The following NVL variants were observed in gnomAD, a reference collection of about 807,000 sequenced individuals.
The protein encoded by NVL is nuclear valosin-containing protein-like.
In NVL, 84 loss-of-function variants were observed where a neutral mutation model predicts 110.2. The observed-to-expected ratio is 0.76, with a 90% confidence interval of 0.64 to 0.91. NVL has a LOEUF of 0.91. NVL is among the 40% of genes least tolerant of loss of function. The pLI is 0.00. For synonymous variants in NVL, 354 were observed against 361.1 expected, an observed-to-expected ratio of 0.98 and a Z score of 0.22; for missense variants, 882 against 1,035.9, an observed-to-expected ratio of 0.85 and a Z score of 2.04.
chr1:224,287,884 G>A lies in NVL; in HGVS notation c.1685C>T (p.Ser562Leu). ...ELNDFIVALS[S>L]VQPSAKREGF... ...TTCCCTTTTGGCAGAGGGTTGGACT[G>A]AGGATAGAGCAACAATGAAATCATT... The change falls in exon 14 of 23, where the codon TCA (serine) becomes TTA (leucine). Residue 562 changes from serine to leucine, a missense_variant. This residue lies in a region of NVL where 416 missense variants were observed against 499.3 expected (regional missense o/e 0.83). Transcript: ENST00000281701. 6.2e-7 allele frequency: 1 copy of A among 1,614,086 alleles called. No homozygotes were observed. The highest frequency in any genetic ancestry group is 8.5e-7 in the Non-Finnish European group (1 of 1,179,960).
chr1:224,240,783 CT>C (rs59138570), intron 19 of NVL, among the ~76,000 whole-genome samples: 9,058 of 82,828 alleles, frequency 0.11, 124 homozygotes, highest in East Asian at 0.22. Flanking sequence ...ACAAACTGTC[CT>C]TTTTTTTTTT....
At chr1:224,326,567 C>A in intron 1 of NVL, 103 bp from the exon 2 acceptor site, 1 of 682,186 alleles carries the variant, frequency 1.5e-6, no homozygotes, top group Non-Finnish European at 2.5e-6. Context: ...TTAAGATAAA[C>A]TCTTCGTTAA....
chr1:224,242,351 C>T lies in NVL; in HGVS notation c.2290-5769G>A, dbSNP rs113159042. Among the ~76,000 whole-genome samples, 944 of 152,090 alleles carry T rather than the reference C, an allele frequency of 6.2e-3. 10 individuals are homozygous for T. Among genetic ancestry groups the T allele is most frequent in the Middle Eastern group, 0.017 (5 of 294 alleles). ...TACTAAAATCTGAAAAAAGTTATGG[C>T]TCATTTACACTGATATTTTCCTATA... On this transcript the variant is annotated intron_variant, in intron 19 of 22. Coordinates refer to ENST00000281701, the MANE Select transcript of NVL (RefSeq NM_002533.4).
At chr1:224,257,907 C>G (rs1238065158) in intron 18 of NVL, among the ~76,000 whole-genome samples, 3 of 152,098 alleles carry the variant, frequency 2.0e-5, no homozygotes, top group African/African-American at 7.2e-5. Flanking sequence ...AACAAATTAA[C>G]TCAAAATGGA....
intron 14 of NVL, 81 bp from the exon 15 acceptor site, chr1:224,286,211 T>G: frequency 8.9e-7 from 1 of 1,118,906 alleles, no homozygotes; most frequent in South Asian, 1.4e-5. Flanking sequence ...ATACATATTT[T>G]ATGGTTTTTT....
intron 19 of NVL, among the ~76,000 whole-genome samples, chr1:224,245,362 A>C (rs1661690111): frequency 6.6e-6 from 1 of 152,200 alleles, no homozygotes; most frequent in African/African-American, 2.4e-5. Context: ...TTAAACAAAA[A>C]CATTCATGAC....
Position 224,283,149 on chromosome 1 carries a change from T to C in NVL, c.1900-1964A>G, listed in dbSNP as rs143036634. 3.2e-3 allele frequency among the ~76,000 whole-genome samples: 485 copies of C among 152,308 alleles called. 1 individual carries two copies. Among genetic ancestry groups the C allele is most frequent in the African/African-American group, 0.011 (451 of 41,564 alleles). On this transcript the variant is annotated intron_variant, in intron 15 of 22. Transcript: ENST00000281701. ...TCAGTGAAGCTGTGAAGTCCATTCA[T>C]GGAGTCCTAGGTAAGAGTCCCTGCT...
At chr1:224,272,356 T>A (rs78065026) in intron 17 of NVL, among the ~76,000 whole-genome samples, 1 of 146,900 alleles carries the variant, frequency 6.8e-6, no homozygotes, top group East Asian at 2.0e-4. Flanking sequence ...AAAAAAAAAA[T>A]CAAATAAAAA....
chr1:224,288,672 T>C (rs373367011), intron 13 of NVL, among the ~76,000 whole-genome samples: 16 of 152,338 alleles, frequency 1.1e-4, no homozygotes, highest in African/African-American at 3.8e-4. Flanking sequence ...GCCCCTGCTC[T>C]ATAAAGTAGA....
At chr1:224,274,623 C>T (rs2102852123) in intron 17 of NVL, among the ~76,000 whole-genome samples, 1 of 151,986 alleles carries the variant, frequency 6.6e-6, no homozygotes, top group South Asian at 2.1e-4. Flanking sequence ...GAGACAAGAG[C>T]AAAACTCCGT....
At chr1:224,292,635 C>T (rs1667479548) in intron 12 of NVL, among the ~76,000 whole-genome samples, 1 of 152,182 alleles carries the variant, frequency 6.6e-6, no homozygotes, top group South Asian at 2.1e-4. Context: ...TCTGAGATCA[C>T]AATCTCACAT....
chr1:224,302,858 A>G (rs192329762), intron 9 of NVL: 3 of 264,368 alleles, frequency 1.1e-5, no homozygotes, highest in Admixed American at 5.2e-5. Context: ...AAGACCAGCC[A>G]GGCAACATAG....
At chr1:224,306,513 G>A (rs540105537) in intron 6 of NVL, among the ~76,000 whole-genome samples, 11 of 152,126 alleles carry the variant, frequency 7.2e-5, no homozygotes, top group African/African-American at 2.2e-4. Context: ...TGATCTGCCC[G>A]CCTTGGTCTC....
intron 19 of NVL, among the ~76,000 whole-genome samples, chr1:224,246,108 C>T (rs1004487547): frequency 6.6e-6 from 1 of 152,054 alleles, no homozygotes; most frequent in South Asian, 2.1e-4. Context: ...CGGCTCACCA[C>T]AACCTCTGCC....
Position 224,294,427 on chromosome 1 carries a change from G to C in NVL, c.1181-16C>G. The C allele has an allele frequency of 1.2e-6, 2 of 1,613,506 alleles. No homozygotes were observed. Among genetic ancestry groups the C allele is most frequent in the East Asian group, 4.5e-5 (2 of 44,876 alleles). ...TTATTCAGATCTAGTAAGAGACAGA[G>C]AAAGAGTAGTGAACAAAGCACTTGA... On this transcript the variant is annotated splice_polypyrimidine_tract_variant and intron_variant, in intron 11 of 22. Coordinates refer to ENST00000281701, the MANE Select transcript of NVL (RefSeq NM_002533.4).
Position 224,311,827 on chromosome 1 carries a change from T to C in NVL, c.315A>G (p.Ser105=). 6.2e-7 allele frequency: 1 copy of C among 1,613,554 alleles called. No individual in the cohort carries two copies. Among genetic ancestry groups the C allele is most frequent in the Non-Finnish European group, 8.5e-7 (1 of 1,179,510 alleles). Reference sequence around the variant, plus strand: ...GTGGATCTGGGTAGTCTTCCATACTTGAATCATCATCAGAATAGCTTTCAG... The same window carrying C: ...GTGGATCTGGGTAGTCTTCCATACTCGAATCATCATCAGAATAGCTTTCAG... ...EYTESYSDDD[S]SMEDYPDPQS... is the part of the protein sequence containing the mutation. Residue 105 remains serine (S), a synonymous_variant, in exon 5 of 23, where the codon TCA becomes TCG. Transcript: ENST00000281701.
chr1:224,325,527 A>G (rs978937362), intron 2 of NVL, among the ~76,000 whole-genome samples: 87 of 151,998 alleles, frequency 5.7e-4, no homozygotes, highest in Middle Eastern at 3.4e-3. Context: ...TGAGGTCAGG[A>G]GTTCGAGACC....
In NVL at chr1:224,330,165, T is replaced by A. The variant is rs374368157; in HGVS notation, c.-38A>T. ...CCAAGCCACAGCTCGGACCGCCAGC[T>A]CCTAGTCAACCGGGGGCCTCGTAGG... On this transcript the variant is annotated 5_prime_UTR_variant, in exon 1 of 23. Coordinates refer to ENST00000281701, the MANE Select transcript of NVL (RefSeq NM_002533.4). The A allele has an allele frequency of 1.2e-5, 20 of 1,610,936 alleles. No homozygotes were observed. Among genetic ancestry groups the A allele is most frequent in the Admixed American group, 3.3e-5 (2 of 59,970 alleles).
chr1:224,252,757 T>C (rs1662647638), intron 18 of NVL, among the ~76,000 whole-genome samples: 1 of 152,232 alleles, frequency 6.6e-6, no homozygotes. Flanking sequence ...AAGGGTCTTC[T>C]GACTCTACAG....
Sources: allele counts gnomAD v4.1 joint callset (sites outside exome capture counted in the v4.1 genomes callset), GRCh38; gene constraint gnomAD v4.1.1; regional missense constraint gnomAD v4.1.1; transcripts MANE v1.5; gene names NCBI Gene and HGNC (gene_info 2026-07-23, HGNC 2026-07-21).